DPYD: variants seen among roughly 807,000 people sequenced by gnomAD.
DPYD encodes the protein dihydropyrimidine dehydrogenase.
In DPYD, 109 loss-of-function variants were observed where a neutral mutation model predicts 116.2. The observed-to-expected ratio is 0.94, with a 90% CI of 0.80 to 1.10. The LOEUF (loss-of-function observed/expected upper bound fraction) is 1.10, where lower values mean the gene tolerates loss of function less well. DPYD is among the 50% of genes least tolerant of loss of function. The probability of loss-of-function intolerance (pLI) is 0.00; values close to 1 mark genes in which losing one functional copy is unlikely to be tolerated. For synonymous variants in DPYD, 440 were observed against 432.0 expected (o/e 1.02, Z -0.23); for missense variants, 1,302 against 1,254.5 (o/e 1.04, Z -0.57).
At chr1:97,243,032 T>C (rs1209719265) in intron 18 of DPYD, among the ~76,000 whole-genome samples, 1 of 151,942 alleles carries the variant, frequency 6.6e-6, no homozygotes, top group Non-Finnish European at 1.5e-5. Context: ...ATAATTAATT[T>C]ATTGTAAATT....
At chr1:97,638,488 T>C (rs1030721872) in intron 8 of DPYD, among the ~76,000 whole-genome samples, 1 of 152,118 alleles carries the variant, frequency 6.6e-6, no homozygotes, top group African/African-American at 2.4e-5. Context: ...GACTAAGCCA[T>C]TATGAAAATT....
At chr1:97,817,318 C>CT (rs973826775) in intron 3 of DPYD, among the ~76,000 whole-genome samples, 15 of 152,006 alleles carry the variant, frequency 9.9e-5, no homozygotes, top group African/African-American at 2.9e-4. Context: ...GAATGGGAGA[C>CT]TTTTTTCCCC....
chr1:97,696,127 C>CAA (rs1232978190), intron 6 of DPYD, among the ~76,000 whole-genome samples: 128 of 91,786 alleles, frequency 1.4e-3, no homozygotes, highest in African/African-American at 5.0e-3. Flanking sequence ...CAGACTCTTT[C>CAA]AAAAAAAAAA....
intron 5 of DPYD, chr1:97,720,420 A>G: frequency 1.0e-6 from 1 of 986,014 alleles, no homozygotes; most frequent in Non-Finnish European, 1.2e-6. Context: ...TAAAGATCAT[A>G]CTTCGTAGTG....
At chr1:97,886,197 TACCTCA>T (rs1312247245) in intron 1 of DPYD, among the ~76,000 whole-genome samples, 15 of 152,218 alleles carry the variant, frequency 9.9e-5, no homozygotes, top group African/African-American at 3.6e-4. Context: ...ACAGTCATTC[TACCTCA>T]GATGGGTATA....
chr1:97,213,995 T>A (rs537360493), intron 19 of DPYD, among the ~76,000 whole-genome samples: 4 of 152,270 alleles, frequency 2.6e-5, no homozygotes, highest in African/African-American at 9.6e-5. Flanking sequence ...TTAGAAGATG[T>A]TTTGCATGCA....
chr1:97,783,594 T>C (rs1666870672), intron 3 of DPYD, among the ~76,000 whole-genome samples: 1 of 152,084 alleles, frequency 6.6e-6, no homozygotes, highest in African/African-American at 2.4e-5. Flanking sequence ...TTTCACCATG[T>C]TGGCCAAGCT....
intron 8 of DPYD, among the ~76,000 whole-genome samples, chr1:97,619,172 G>C (rs1656482973): frequency 6.6e-6 from 1 of 152,148 alleles, no homozygotes; most frequent in African/African-American, 2.4e-5. Context: ...TTCTAGAAAA[G>C]TGTAGTCAAT....
At chr1:97,628,174 T>C (rs1657045086) in intron 8 of DPYD, among the ~76,000 whole-genome samples, 1 of 152,094 alleles carries the variant, frequency 6.6e-6, no homozygotes. Flanking sequence ...ACTTGTTTCC[T>C]AGCTCTATTA....
At chr1:97,889,100 T>G (rs996168509) in intron 1 of DPYD, among the ~76,000 whole-genome samples, 1 of 151,976 alleles carries the variant, frequency 6.6e-6, no homozygotes, top group Non-Finnish European at 1.5e-5. Context: ...GAGGTTACAA[T>G]GAGCCGAGAT....
intron 2 of DPYD, among the ~76,000 whole-genome samples, chr1:97,867,156 A>G (rs1380785973): frequency 6.6e-6 from 1 of 151,762 alleles, no homozygotes; most frequent in Non-Finnish European, 1.5e-5. Flanking sequence ...ACTTTAGAGA[A>G]CCTCCATATC....
At chr1:97,395,075 C>T (rs1019600744) in intron 14 of DPYD, among the ~76,000 whole-genome samples, 1 of 151,858 alleles carries the variant, frequency 6.6e-6, no homozygotes, top group Non-Finnish European at 1.5e-5. Flanking sequence ...CTCCTGTGCC[C>T]TATTGCTCCT....
chr1:97,549,429 T>G, intron 12 of DPYD, 131 bp downstream of exon 12: 1 of 1,027,226 alleles, frequency 9.7e-7, no homozygotes, highest in Non-Finnish European at 1.5e-6. Flanking sequence ...TGTATCCAAG[T>G]ATGTACGTGA....
At chr1:97,363,400 G>A (rs991529694) in intron 16 of DPYD, among the ~76,000 whole-genome samples, 4 of 152,212 alleles carry the variant, frequency 2.6e-5, no homozygotes, top group Admixed American at 1.3e-4. Context: ...GTGGCGATTT[G>A]TCAAGGATCT....
At chr1:97,341,928 A>G (rs181832680) in intron 16 of DPYD, among the ~76,000 whole-genome samples, 59 of 152,338 alleles carry the variant, frequency 3.9e-4, no homozygotes, top group Admixed American at 8.5e-4. Flanking sequence ...AAATGCTACA[A>G]ATAGGAGATT....
intron 5 of DPYD, among the ~76,000 whole-genome samples, chr1:97,706,968 AT>A: frequency 6.6e-6 from 1 of 152,186 alleles, no homozygotes; most frequent in East Asian, 1.9e-4. Flanking sequence ...CCAGGGAAGA[AT>A]AAAGTTCCTA....
At chr1:97,637,316 C>A (rs960122733) in intron 8 of DPYD, among the ~76,000 whole-genome samples, 1 of 152,090 alleles carries the variant, frequency 6.6e-6, no homozygotes, top group Non-Finnish European at 1.5e-5. Flanking sequence ...AGAAGCCTTC[C>A]CCCACTCCCC....
chr1:97,413,361 G>A (rs955949762), intron 14 of DPYD, among the ~76,000 whole-genome samples: 6 of 152,180 alleles, frequency 3.9e-5, no homozygotes, highest in Admixed American at 3.9e-4. Flanking sequence ...AGCATTAAAT[G>A]TTTCCATCAG....
chr1:97,128,795 G>A (rs1015441943), intron 20 of DPYD, among the ~76,000 whole-genome samples: 1 of 151,920 alleles, frequency 6.6e-6, no homozygotes, highest in African/African-American at 2.4e-5. Flanking sequence ...TTTGTTTTTT[G>A]CTTTTTTCTC....
Sources: gnomAD v4.1 joint callset for allele counts (sites outside exome capture counted in the v4.1 genomes callset) on GRCh38, gnomAD v4.1.1 for gene constraint, MANE v1.5 for transcripts, NCBI Gene and HGNC (gene_info 2026-07-23, HGNC 2026-07-21) for gene names.